The following CDC14A variants were observed in gnomAD, a reference collection of about 807,000 sequenced individuals.
CDC14A encodes the protein dual specificity protein phosphatase CDC14A.
Under a neutral mutation model 74.4 loss-of-function variants are expected in CDC14A, and 53 were observed. The ratio of observed to expected loss-of-function variants is 0.71; its 90% CI spans 0.57 to 0.89. The LOEUF (loss-of-function observed/expected upper bound fraction) is 0.89. CDC14A is among the 40% of genes least tolerant of loss of function. The probability of loss-of-function intolerance (pLI) is 0.00; values close to 1 mark genes in which losing one functional copy is unlikely to be tolerated. For synonymous variants in CDC14A, 247 were observed against 258.4 expected (o/e 0.96, Z 0.43); for missense variants, 646 against 713.7 (o/e 0.91, Z 1.08).
At chr1:100,401,498 A>G (rs866101341) in intron 4 of CDC14A, among the ~76,000 whole-genome samples, 42 of 152,346 alleles carry the variant, frequency 2.8e-4, no homozygotes, top group African/African-American at 9.6e-4. Context: ...AGCATTAACT[A>G]ATTTTCTTAA....
upstream of CDC14A, among the ~76,000 whole-genome samples, chr1:100,350,098 T>C (rs1650800025): frequency 6.6e-6 from 1 of 152,186 alleles, no homozygotes; most frequent in Non-Finnish European, 1.5e-5. Context: ...ATTACAGGTG[T>C]GTGCCACCAT....
At chr1:100,351,279 C>G (rs11166441), upstream of CDC14A, among the ~76,000 whole-genome samples, 1 of 152,038 alleles carries the variant, frequency 6.6e-6, no homozygotes, top group Non-Finnish European at 1.5e-5. Flanking sequence ...GTCAGCTCTG[C>G]ACGGGTGCGC....
rs967996796 is a variant in CDC14A, at chr1:100,429,756, TTA to T, written c.389+5465_389+5466del. 2.8e-3 allele frequency among the ~76,000 whole-genome samples: 409 copies of T among 147,182 alleles called. 4 individuals are homozygous for T. The highest frequency in any genetic ancestry group is 9.8e-3 in the African/African-American group (394 of 40,336). ...TATATCAAGTATATTTATATATATA[TTA>T]TATATATATCAAGTGTGTATATATA... On this transcript the variant is annotated intron_variant, in intron 5 of 15. Coordinates refer to ENST00000336454, the MANE Select transcript of CDC14A (RefSeq NM_003672.4).
intron 3 of CDC14A, among the ~76,000 whole-genome samples, chr1:100,387,065 G>A (rs1214495170): frequency 6.6e-6 from 1 of 151,652 alleles, no homozygotes; most frequent in African/African-American, 2.4e-5. Context: ...CTAAACAACG[G>A]ACAAAATATT....
intron 4 of CDC14A, among the ~76,000 whole-genome samples, chr1:100,409,540 A>G (rs929911866): frequency 1.1e-4 from 17 of 152,206 alleles, no homozygotes; most frequent in African/African-American, 3.4e-4. Context: ...CCTAGATACA[A>G]TGGGGGTACA....
chr1:100,506,507 A>G (rs1375587689), intron 15 of CDC14A, among the ~76,000 whole-genome samples: 1 of 152,218 alleles, frequency 6.6e-6, no homozygotes, highest in Non-Finnish European at 1.5e-5. Context: ...GCCTTTAAAT[A>G]TGCACATAAA....
intron 15 of CDC14A, chr1:100,505,096 AT>A (rs1371101169): frequency 5.6e-5 from 15 of 268,248 alleles, no homozygotes; most frequent in Non-Finnish European, 4.6e-5. Context: ...TTTATAGTTC[AT>A]GGTTTCTAAC....
rs1649431400 is a variant in CDC14A at position 100,508,470 on chromosome 1, G to T, written c.1755+9208G>T. Among the ~76,000 whole-genome samples, 1 of 152,166 alleles carries T rather than the reference G, an allele frequency of 6.6e-6. No homozygotes were observed. The highest frequency in any genetic ancestry group is 2.1e-4 in the South Asian group (1 of 4,830). ...GGGAATTTGGTTGGTAGGTTCAGATGGGATGGGAGTGTTGGTGTGTTTCTC... is the reference window on the plus strand; with the variant it reads ...GGGAATTTGGTTGGTAGGTTCAGATTGGATGGGAGTGTTGGTGTGTTTCTC... On this transcript the variant is annotated intron_variant, in intron 15 of 15. Coordinates refer to ENST00000336454, the MANE Select transcript of CDC14A (RefSeq NM_003672.4). This position sits in a 1 kb window ranked among gnomAD's most constrained non-coding sequence, Gnocchi z 4.4.
At chr1:100,360,455 C>T (rs146654123) in intron 2 of CDC14A, among the ~76,000 whole-genome samples, 19,926 of 151,816 alleles carry the variant, frequency 0.13, 1,617 homozygotes, top group Non-Finnish European at 0.17. Flanking sequence ...GCAATTCTCC[C>T]ACCTCAGCCT....
intron 5 of CDC14A, among the ~76,000 whole-genome samples, chr1:100,425,530 G>T (rs1313080613): frequency 6.6e-6 from 1 of 152,216 alleles, no homozygotes; most frequent in South Asian, 2.1e-4. Context: ...CTGCTTCTGA[G>T]ATCACAGGAG....
At chr1:100,407,518 A>G (rs1268910764) in intron 4 of CDC14A, among the ~76,000 whole-genome samples, 1 of 152,142 alleles carries the variant, frequency 6.6e-6, no homozygotes, top group African/African-American at 2.4e-5. Flanking sequence ...TTGTTGGGGT[A>G]TAGGAATGCT....
At chr1:100,511,288 G>A (rs1020523345) in intron 15 of CDC14A, among the ~76,000 whole-genome samples, 4 of 152,104 alleles carry the variant, frequency 2.6e-5, no homozygotes, top group African/African-American at 9.7e-5. Flanking sequence ...CCACACTTGG[G>A]GAAAGAGAAG....
At chr1:100,345,544 A>T (rs1361279330) in intron 1 of CDC14A, among the ~76,000 whole-genome samples, 1 of 152,200 alleles carries the variant, frequency 6.6e-6, no homozygotes, top group Admixed American at 6.5e-5. Flanking sequence ...CAGGCTTCTG[A>T]TTACAAATCC....
chr1:100,470,387 G>C (rs150446874), intron 10 of CDC14A, among the ~76,000 whole-genome samples: 55 of 151,730 alleles, frequency 3.6e-4, no homozygotes, highest in Non-Finnish European at 7.1e-4. Flanking sequence ...AACAAAACAA[G>C]GGTGTCTACT....
intron 2 of CDC14A, among the ~76,000 whole-genome samples, chr1:100,359,550 T>A (rs976241925): frequency 1.3e-5 from 2 of 152,214 alleles, no homozygotes; most frequent in African/African-American, 4.8e-5. Flanking sequence ...GACCAGCTCC[T>A]ATCTGGGAAT....
In CDC14A at chr1:100,358,264, T is replaced by C. The variant is rs143079432; in HGVS notation, c.140+4412T>C. On this transcript the variant is annotated intron_variant, in intron 2 of 15. Coordinates refer to ENST00000336454, the MANE Select transcript of CDC14A (RefSeq NM_003672.4). Reference sequence around the variant, plus strand: ...CCCTGGAAAGGCTTGTTCTTTGGTATTGGAATTGGGCCCCGTAATCCAAAC... The same window carrying C: ...CCCTGGAAAGGCTTGTTCTTTGGTACTGGAATTGGGCCCCGTAATCCAAAC... Among the ~76,000 whole-genome samples the C allele has an allele frequency of 4.3e-3, 653 of 152,348 alleles. 6 individuals carry two copies. Among genetic ancestry groups the C allele is most frequent in the African/African-American group, 0.015 (631 of 41,574 alleles).
rs141188582 is a variant in CDC14A, at chr1:100,385,295, A to G, written c.217-5437A>G. Among the ~76,000 whole-genome samples the G allele has an allele frequency of 2.9e-4, 44 of 152,304 alleles. 1 individual carries two copies. The East Asian group carries it at 7.7e-3, about 27-fold the overall frequency. On this transcript the variant is annotated intron_variant, in intron 3 of 15. Coordinates refer to ENST00000336454, the MANE Select transcript of CDC14A (RefSeq NM_003672.4). ...TTCAATGTGTGGTGTCTGGACCAAC[A>G]GTGTCAGCATTACTGGAAAACCTGT...
intron 2 of CDC14A, among the ~76,000 whole-genome samples, chr1:100,366,232 T>A (rs1329830757): frequency 6.6e-6 from 1 of 152,006 alleles, no homozygotes; most frequent in Non-Finnish European, 1.5e-5. Flanking sequence ...AAGCAGTTAA[T>A]TTTTTTTGTA....
intron 5 of CDC14A, among the ~76,000 whole-genome samples, chr1:100,430,878 C>T (rs1478866711): frequency 6.6e-6 from 1 of 152,190 alleles, no homozygotes; most frequent in Non-Finnish European, 1.5e-5. Flanking sequence ...CTTTTCCTCG[C>T]TGTTTCTCAG....
Sources: allele counts gnomAD v4.1 joint callset (sites outside exome capture counted in the v4.1 genomes callset), GRCh38; gene constraint gnomAD v4.1.1; non-coding constraint Gnocchi (gnomAD v3.1); transcripts MANE v1.5; gene names NCBI Gene and HGNC (gene_info 2026-07-23, HGNC 2026-07-21).